Variants in ZNF143 observed in about 807,000 individuals in gnomAD.
ZNF143 encodes the protein zinc finger protein 143, also known as SPH-binding factor.
Under a neutral mutation model 74.1 loss-of-function variants are expected in ZNF143, and 49 were observed. The observed-to-expected ratio is 0.66, with a 90% CI of 0.53 to 0.84. ZNF143 has a LOEUF of 0.84. ZNF143 is among the 40% of genes least tolerant of loss of function. The probability of loss-of-function intolerance (pLI) is 0.00; values close to 1 mark genes in which losing one functional copy is unlikely to be tolerated. For synonymous variants in ZNF143, 304 were observed against 282.8 expected (o/e 1.07, Z -0.75); for missense variants, 637 against 793.4 (o/e 0.80, Z 2.37).
intron 7 of ZNF143, among the ~76,000 whole-genome samples, chr11:9,487,460 T>C (rs141916590): frequency 0.02 from 2,953 of 151,428 alleles, 223 homozygotes; most frequent in African/African-American, 0.068. Flanking sequence ...CCCGGGTTCA[T>C]GCTTCTCCTG....
chr11:9,503,022 G>A (rs1203276001), intron 11 of ZNF143, among the ~76,000 whole-genome samples: 3 of 151,986 alleles, frequency 2.0e-5, no homozygotes, highest in Non-Finnish European at 2.9e-5. Flanking sequence ...TAGTAGAGAC[G>A]GGGTTTCACT....
intron 10 of ZNF143, among the ~76,000 whole-genome samples, chr11:9,498,920 GA>G (rs1236449519): frequency 6.6e-6 from 1 of 152,104 alleles, no homozygotes; most frequent in Non-Finnish European, 1.5e-5. Flanking sequence ...CAACATTGAG[GA>G]ACAGAGCTGT....
At chr11:9,466,445 G>A (rs1346655898) in intron 1 of ZNF143, among the ~76,000 whole-genome samples, 5 of 151,034 alleles carry the variant, frequency 3.3e-5, no homozygotes, top group Non-Finnish European at 7.4e-5. Context: ...ACAGGCGTCT[G>A]CCACCACGCC....
At chr11:9,526,164 A>C (rs548066658) in intron 15 of ZNF143, among the ~76,000 whole-genome samples, 8 of 151,948 alleles carry the variant, frequency 5.3e-5, no homozygotes, top group Non-Finnish European at 7.4e-5. Context: ...AGACCAGCCC[A>C]GGCAACATGA....
At chr11:9,514,854 C>T (rs1848668151) in intron 13 of ZNF143, among the ~76,000 whole-genome samples, 1 of 152,232 alleles carries the variant, frequency 6.6e-6, no homozygotes, top group Admixed American at 6.5e-5. Flanking sequence ...CTGGGCTGGG[C>T]ACAGTGGCCC....
intron 14 of ZNF143, among the ~76,000 whole-genome samples, chr11:9,517,831 T>G (rs1363849508): frequency 6.6e-5 from 10 of 152,116 alleles, no homozygotes; most frequent in Non-Finnish European, 1.0e-4. Flanking sequence ...CCTTAAAGAT[T>G]ACTTGGACTG....
intron 5 of ZNF143, among the ~76,000 whole-genome samples, chr11:9,475,203 T>C (rs922223705): frequency 2.0e-5 from 3 of 152,198 alleles, no homozygotes; most frequent in African/African-American, 7.2e-5. Context: ...CAGCCTTGGC[T>C]CCTTTTTTAA....
At chr11:9,483,551 T>A (rs552390579) in intron 7 of ZNF143, among the ~76,000 whole-genome samples, 1 of 150,882 alleles carries the variant, frequency 6.6e-6, no homozygotes, top group South Asian at 2.1e-4. Flanking sequence ...CCACTTGGCC[T>A]CCCAAAGTGC....
At chr11:9,499,154 G>C (rs1232550562) in intron 10 of ZNF143, among the ~76,000 whole-genome samples, 1 of 152,160 alleles carries the variant, frequency 6.6e-6, no homozygotes, top group African/African-American at 2.4e-5. Flanking sequence ...TCATATAACA[G>C]CTTTAAAATC....
intron 13 of ZNF143, among the ~76,000 whole-genome samples, chr11:9,513,332 T>TA (rs1167518950): frequency 6.6e-6 from 1 of 152,238 alleles, no homozygotes; most frequent in Non-Finnish European, 1.5e-5. Context: ...ACAAAGCTCT[T>TA]ACACCTTCTC....
At chr11:9,500,987 A>G in intron 10 of ZNF143, 104 bp from the exon 11 acceptor site, 1 of 1,366,416 alleles carries the variant, frequency 7.3e-7, no homozygotes, top group Non-Finnish European at 1.0e-6. Context: ...CAGCACAAGA[A>G]GGCTAGAGTC....
At chr11:9,466,710 C>T (rs938330207) in intron 1 of ZNF143, among the ~76,000 whole-genome samples, 1 of 151,624 alleles carries the variant, frequency 6.6e-6, no homozygotes, top group African/African-American at 2.4e-5. Context: ...CCAAGTGCTG[C>T]AGTTACAGGT....
intron 5 of ZNF143, 38 bp from the exon 6 acceptor site, chr11:9,478,352 T>C: frequency 6.3e-7 from 1 of 1,588,794 alleles, no homozygotes; most frequent in Non-Finnish European, 8.6e-7. Flanking sequence ...TGTCAGATTT[T>C]ACCTTTAATT....
chr11:9,516,223 T>G lies in ZNF143; in HGVS notation c.1547T>G (p.Met516Arg), dbSNP rs750465934. The part of the protein sequence containing the change: ...TQHVNISQAD[M>R]QAIGNTITMV... ...CAGGTCAACATATCTCAAGCTGACA[T>G]GCAGGCCATTGGCAACACCATCACA... The change falls in exon 14 of 16, where the codon ATG (methionine) becomes AGG (arginine). Residue 516 changes from methionine (M) to arginine (R), a missense_variant. This residue lies in a region of ZNF143 where 344 missense variants were observed against 485.6 expected (regional missense o/e 0.71). Transcript: ENST00000396602. The G allele has an allele frequency of 6.2e-7, 1 of 1,614,056 alleles. No individual in the cohort carries two copies. Among genetic ancestry groups the G allele is most frequent in the East Asian group, 2.2e-5 (1 of 44,880 alleles).
At chr11:9,470,682 T>C (rs187359092) in intron 1 of ZNF143, among the ~76,000 whole-genome samples, 1 of 152,272 alleles carries the variant, frequency 6.6e-6, no homozygotes, top group African/African-American at 2.4e-5. Flanking sequence ...GCCTCATTGA[T>C]CAGTGTAAGG....
intron 1 of ZNF143, among the ~76,000 whole-genome samples, chr11:9,464,070 TGTC>T (rs1200400470): frequency 3.4e-5 from 5 of 148,302 alleles, no homozygotes; most frequent in Admixed American, 2.7e-4. Context: ...CATTTAGGGA[TGTC>T]GTGTGTGTGT....
At chr11:9,497,970 A>G (rs891532896) in intron 10 of ZNF143, among the ~76,000 whole-genome samples, 170 bp downstream of exon 10, 2 of 151,940 alleles carry the variant, frequency 1.3e-5, no homozygotes, top group Non-Finnish European at 2.9e-5. Context: ...AGCTGGGACT[A>G]CAGGCACCCA....
rs1565039257 is a variant in ZNF143 at position 9,486,422 on chromosome 11, A to ATAT, written c.645+6877_645+6879dup. The stretch of plus-strand genomic sequence containing the variant: ...ATATATTATATATATAATATATATT[A>ATAT]TATATATTATATATATAATATATTA... On this transcript the variant is annotated intron_variant, in intron 7 of 15. Transcript: ENST00000396602. 3.8e-4 allele frequency among the ~76,000 whole-genome samples: 14 copies of ATAT among 36,444 alleles called. 1 individual carries two copies. The highest frequency in any genetic ancestry group is 5.1e-4 in the Admixed American group (1 of 1,970). The allele number at this position is 36,444 out of a possible 152,430, so 23.9% of individuals were successfully genotyped here.
Position 9,471,553 on chromosome 11 carries a change from G to T in ZNF143, c.112+133G>T, listed in dbSNP as rs7119680. ...AGGTCTTTTTATGAGGTGTTTTGGT[G>T]TTTTTTTTTTTGAAACGGGACGGAG... On this transcript the variant is annotated intron_variant, in intron 2 of 15. Transcript: ENST00000396602. 0.47 allele frequency: 218,425 copies of T among 466,658 alleles called. 50,128 individuals are homozygous for T. Among genetic ancestry groups the T allele is most frequent in the Non-Finnish European group, 0.5 (142,583 of 283,540 alleles). The allele number at this position is 466,658 out of a possible 1,614,324, so 28.9% of individuals were successfully genotyped here. A position where few individuals can be genotyped will look rare whatever the true frequency, so the allele number is the denominator to read the frequency against.
Sources: gnomAD v4.1 joint callset for allele counts (sites outside exome capture counted in the v4.1 genomes callset) on GRCh38, gnomAD v4.1.1 for gene constraint, gnomAD v4.1.1 regional missense constraint, MANE v1.5 for transcripts, NCBI Gene and HGNC (gene_info 2026-07-23, HGNC 2026-07-21) for gene names.